The following DPP6 variants were observed in gnomAD, a reference collection of about 807,000 sequenced individuals.
DPP6 encodes the protein A-type potassium channel modulatory protein DPP6.
DPP6 carries 69 observed loss-of-function variants against 122.6 expected under a neutral mutation model. That is an observed-to-expected ratio of 0.56 (90% CI 0.46 to 0.69). The LOEUF (loss-of-function observed/expected upper bound fraction) is 0.69, where lower values mean the gene tolerates loss of function less well. Among genes scored for constraint, DPP6 ranks in the 30% least tolerant of loss-of-function variants. The pLI is 0.00. For synonymous variants in DPP6, 418 were observed against 433.1 expected, an observed-to-expected ratio of 0.97 and a Z score of 0.43; for missense variants, 928 against 1,116.9, an observed-to-expected ratio of 0.83 and a Z score of 2.41.
chr7:154,183,348 T>G (rs1331794491), intron 1 of DPP6, among the ~76,000 whole-genome samples: 1 of 152,222 alleles, frequency 6.6e-6, no homozygotes, highest in Non-Finnish European at 1.5e-5. Context: ...CAGCATATTA[T>G]TATAATTCAT....
chr7:154,429,618 T>C (rs1484029903), intron 1 of DPP6, among the ~76,000 whole-genome samples: 1 of 152,138 alleles, frequency 6.6e-6, no homozygotes, highest in Non-Finnish European at 1.5e-5. Context: ...ACACAAACGC[T>C]GTTTATTTGA....
In DPP6 at chr7:154,618,329, G is replaced by A. The variant is rs570385076; in HGVS notation, c.628-19492G>A. On this transcript the variant is annotated intron_variant, in intron 5 of 25. Coordinates refer to ENST00000377770, the MANE Select transcript of DPP6 (RefSeq NM_130797.4). This position sits in a 1 kb window ranked among gnomAD's most constrained non-coding sequence, Gnocchi z 4.1. Reference sequence around the variant, plus strand: ...CAGGATGAGATTAGGCTCACTGAGCGGGTGAACGGAGCTGTTTGAACTGAG... The same window carrying A: ...CAGGATGAGATTAGGCTCACTGAGCAGGTGAACGGAGCTGTTTGAACTGAG... 3.2e-4 allele frequency among the ~76,000 whole-genome samples: 49 copies of A among 152,232 alleles called. No individual in the cohort carries two copies. Among genetic ancestry groups the A allele is most frequent in the Non-Finnish European group, 5.9e-4 (40 of 68,012 alleles).
chr7:154,536,405 C>G (rs932524299), intron 3 of DPP6, among the ~76,000 whole-genome samples: 1 of 152,046 alleles, frequency 6.6e-6, no homozygotes, highest in African/African-American at 2.4e-5. Context: ...TATAAAAACT[C>G]ATGGAAAGAT....
At chr7:154,378,946 T>C (rs1157664314) in intron 1 of DPP6, among the ~76,000 whole-genome samples, 3 of 152,128 alleles carry the variant, frequency 2.0e-5, no homozygotes, top group African/African-American at 7.2e-5. Context: ...GGGAAACCAC[T>C]TCCATGATCC....
At chr7:154,561,792 G>GA (rs970489510) in intron 4 of DPP6, among the ~76,000 whole-genome samples, 1 of 151,378 alleles carries the variant, frequency 6.6e-6, no homozygotes, top group Non-Finnish European at 1.5e-5. Flanking sequence ...AAAGATAATG[G>GA]AAAAAAAATC....
At chr7:154,651,177 T>G (rs1836853081) in intron 6 of DPP6, among the ~76,000 whole-genome samples, 1 of 152,080 alleles carries the variant, frequency 6.6e-6, no homozygotes, top group African/African-American at 2.4e-5. Flanking sequence ...AGCACTGCAC[T>G]AGGTAATAGC....
rs143864326 is a variant in DPP6, at chr7:154,236,084, G to A, written c.243+183021G>A. Among the ~76,000 whole-genome samples, 1,152 of 152,226 alleles carry A rather than the reference G, an allele frequency of 7.6e-3. 22 individuals carry two copies. The highest frequency in any genetic ancestry group is 0.026 in the African/African-American group (1,072 of 41,530). Reference sequence around the variant, plus strand: ...GCCAGGCTGGTCTGGAATTCCTGACGTCAGGTGATCTGCCTGCCTTGGCCT... The same window carrying A: ...GCCAGGCTGGTCTGGAATTCCTGACATCAGGTGATCTGCCTGCCTTGGCCT... On this transcript the variant is annotated intron_variant, in intron 1 of 25. Transcript: ENST00000377770.
At chr7:153,981,883 T>C (rs1335495418) in intron 1 of DPP6, among the ~76,000 whole-genome samples, 1 of 152,112 alleles carries the variant, frequency 6.6e-6, no homozygotes, top group Admixed American at 6.5e-5. Flanking sequence ...CACTCTCTTC[T>C]GGCTTGTAGG....
chr7:154,257,407 A>G (rs962365443), intron 1 of DPP6, among the ~76,000 whole-genome samples: 2 of 152,046 alleles, frequency 1.3e-5, no homozygotes, highest in Non-Finnish European at 2.9e-5. Flanking sequence ...AGGATATTCA[A>G]AAGCGGTCTG....
chr7:154,080,759 T>C (rs1803935627), intron 1 of DPP6, among the ~76,000 whole-genome samples: 1 of 152,174 alleles, frequency 6.6e-6, no homozygotes, highest in Non-Finnish European at 1.5e-5. Context: ...GATTGAAACA[T>C]GCAGTGGAAA....
chr7:154,647,210 G>A (rs1410693194), intron 6 of DPP6, among the ~76,000 whole-genome samples: 1 of 152,190 alleles, frequency 6.6e-6, no homozygotes, highest in Non-Finnish European at 1.5e-5. Flanking sequence ...CTCTGAAGAG[G>A]GAACCTCAGG....
At chr7:154,150,437 TC>T (rs1796354733) in intron 1 of DPP6, among the ~76,000 whole-genome samples, 1 of 152,178 alleles carries the variant, frequency 6.6e-6, no homozygotes, top group South Asian at 2.1e-4. Context: ...CATGGCTTTT[TC>T]TGGGAGGATA....
chr7:154,101,502 T>C (rs1805720918), intron 1 of DPP6, among the ~76,000 whole-genome samples: 1 of 151,378 alleles, frequency 6.6e-6, no homozygotes, highest in Non-Finnish European at 1.5e-5. Context: ...GAAGGGAAAG[T>C]GGAGGAGCAA....
At chr7:154,561,812 G>A (rs554062038) in intron 4 of DPP6, among the ~76,000 whole-genome samples, 3 of 152,002 alleles carry the variant, frequency 2.0e-5, no homozygotes, top group African/African-American at 4.8e-5. Context: ...CAGACACCAA[G>A]CAAACATATT....
intron 1 of DPP6, among the ~76,000 whole-genome samples, chr7:154,138,438 CTG>C (rs1795687794): frequency 6.6e-6 from 1 of 152,190 alleles, no homozygotes; most frequent in South Asian, 2.1e-4. Context: ...GCAGGTAACT[CTG>C]TAATAGAATT....
chr7:153,807,650 G>A, the DPP6 span, among the ~76,000 whole-genome samples: 1 of 151,904 alleles, frequency 6.6e-6, no homozygotes, highest in Admixed American at 6.6e-5. Context: ...CGGGTGGAAT[G>A]TTGTGATGAA....
At chr7:154,005,355 T>C (rs1282752154) in intron 1 of DPP6, among the ~76,000 whole-genome samples, 1 of 152,146 alleles carries the variant, frequency 6.6e-6, no homozygotes, top group Non-Finnish European at 1.5e-5. Flanking sequence ...GGCTGAACTT[T>C]AGCAGGTTCC....
At chr7:154,419,461 G>A (rs555112059) in intron 1 of DPP6, among the ~76,000 whole-genome samples, 54 of 152,260 alleles carry the variant, frequency 3.5e-4, no homozygotes, top group Admixed American at 7.2e-4. Context: ...AGAACAGAGC[G>A]TCCTTAGGAA....
intron 1 of DPP6, among the ~76,000 whole-genome samples, chr7:154,023,087 C>T (rs555130389): frequency 5.9e-5 from 9 of 152,070 alleles, no homozygotes; most frequent in African/African-American, 2.2e-4. Context: ...TATATTTAGT[C>T]TCTGTTTCAC....
Sources: gnomAD v4.1 joint callset for allele counts (sites outside exome capture counted in the v4.1 genomes callset) on GRCh38, gnomAD v4.1.1 for gene constraint, Gnocchi (gnomAD v3.1) non-coding constraint, MANE v1.5 for transcripts, NCBI Gene and HGNC (gene_info 2026-07-23, HGNC 2026-07-21) for gene names.